MGST1: variants seen among roughly 807,000 people sequenced by gnomAD.
MGST1 encodes the protein microsomal glutathione S-transferase 1.
Under a neutral mutation model 8.9 loss-of-function variants are expected in MGST1, and 5 were observed. The ratio of observed to expected loss-of-function variants is 0.56; its 90% CI spans 0.29 to 1.19. MGST1 has a LOEUF of 1.19. Among genes scored for constraint, MGST1 ranks in the 50% most tolerant of loss-of-function variants. MGST1 has a pLI of 0.08. For missense variants in MGST1, 182 were observed against 187.4 expected (o/e 0.97, Z 0.17); for synonymous variants, 54 against 67.8 (o/e 0.80, Z 1.00).
chr12:16,554,153 T>A (rs1033567900), intron 4 of MGST1, among the ~76,000 whole-genome samples: 16 of 152,190 alleles, frequency 1.1e-4, no homozygotes, highest in Admixed American at 7.9e-4. Flanking sequence ...CATATAGTCT[T>A]AGAGACTTGA....
chr12:16,560,694 C>T lies in MGST1; in HGVS notation n.483-28834C>T. ...TATCCTAGGTGTATGCATAAATATT[C>T]TTCTGCAATATATTCTCCGTTGACC... On this transcript the variant is annotated intron_variant and non_coding_transcript_variant, in intron 4 of 4. Transcript: ENST00000538857. The surrounding 1 kb of genome is among the most constrained non-coding windows in gnomAD (Gnocchi z 5.0). 1.5e-6 allele frequency: 1 copy of T among 663,606 alleles called. No individual in the cohort carries two copies. The allele number at this position is 663,606 out of a possible 1,614,324, so 41.1% of individuals were successfully genotyped here. A position where few individuals can be genotyped will look rare whatever the true frequency, so the allele number is the denominator to read the frequency against.
At chr12:16,577,026 A>G (rs1357518330) in intron 4 of MGST1, among the ~76,000 whole-genome samples, 1 of 152,222 alleles carries the variant, frequency 6.6e-6, no homozygotes, top group Non-Finnish European at 1.5e-5. Flanking sequence ...GAAACTTAGC[A>G]CCAATTCCAT....
At chr12:16,564,872 A>C in intron 4 of MGST1, among the ~76,000 whole-genome samples, 1 of 152,134 alleles carries the variant, frequency 6.6e-6, no homozygotes. Flanking sequence ...TGCAGCCTTG[A>C]CCTCCTAGGC....
downstream of MGST1, among the ~76,000 whole-genome samples, chr12:16,439,250 A>G (rs1223668687): frequency 6.6e-6 from 1 of 151,912 alleles, no homozygotes; most frequent in Admixed American, 6.6e-5. Context: ...AAAAATGTAC[A>G]CTTTTAGAAA....
intron 4 of MGST1, among the ~76,000 whole-genome samples, chr12:16,459,878 T>G (rs1027667731): frequency 2.0e-5 from 3 of 152,184 alleles, no homozygotes; most frequent in African/African-American, 7.2e-5. Flanking sequence ...GCGGTTTTGC[T>G]TAAATGACCT....
chr12:16,403,234 C>CT (rs1028862927), intron 1 of MGST1, among the ~76,000 whole-genome samples: 7 of 151,888 alleles, frequency 4.6e-5, no homozygotes, highest in Non-Finnish European at 7.4e-5. Flanking sequence ...TTTTATTCAA[C>CT]TTTTTTTGAC....
intron 4 of MGST1, among the ~76,000 whole-genome samples, chr12:16,543,805 G>A (rs1941805939): frequency 6.6e-6 from 1 of 152,072 alleles, no homozygotes; most frequent in South Asian, 2.1e-4. Context: ...ATGTAAGGGT[G>A]AATTGAGACT....
At chr12:16,407,174 A>C (rs1940703315) in intron 1 of MGST1, among the ~76,000 whole-genome samples, 2 of 152,216 alleles carry the variant, frequency 1.3e-5, no homozygotes, top group Admixed American at 1.3e-4. Context: ...CATCTGAAAA[A>C]GGTCTAATAT....
chr12:16,418,539 T>A (rs1198788459), intron 1 of MGST1, among the ~76,000 whole-genome samples: 1 of 152,154 alleles, frequency 6.6e-6, no homozygotes, highest in African/African-American at 2.4e-5. Context: ...CCAAACTCAG[T>A]TCCCTCACTC....
At chr12:16,502,116 G>A (rs944146953) in intron 4 of MGST1, among the ~76,000 whole-genome samples, 63 of 152,116 alleles carry the variant, frequency 4.1e-4, no homozygotes, top group Non-Finnish European at 1.5e-4. Flanking sequence ...TGAATTCCAA[G>A]GTACAAAAAT....
intron 4 of MGST1, among the ~76,000 whole-genome samples, chr12:16,450,002 G>A (rs1303066862): frequency 6.6e-6 from 1 of 151,876 alleles, no homozygotes; most frequent in Non-Finnish European, 1.5e-5. Flanking sequence ...TAACAGTAAT[G>A]CAGTCAAGAG....
chr12:16,349,637 T>C (rs1247453337), intron 1 of MGST1, among the ~76,000 whole-genome samples: 1 of 152,152 alleles, frequency 6.6e-6, no homozygotes, highest in Non-Finnish European at 1.5e-5. Flanking sequence ...AGATAAAATA[T>C]GCAAAAGCTT....
intron 4 of MGST1, among the ~76,000 whole-genome samples, chr12:16,527,760 A>G (rs895628762): frequency 3.3e-5 from 5 of 151,934 alleles, no homozygotes; most frequent in African/African-American, 9.7e-5. Flanking sequence ...ATCTTCAGAT[A>G]TTTTTCATCT....
In MGST1 at chr12:16,586,553, G is replaced by A. The variant is rs1361028491; in HGVS notation, n.483-2975G>A. On this transcript the variant is annotated intron_variant and non_coding_transcript_variant, in intron 4 of 4. Coordinates refer to the MGST1 transcript ENST00000538857. This position sits in a 1 kb window ranked among gnomAD's most constrained non-coding sequence, Gnocchi z 4.3. ...TAATATTGTCAGATTCAGGCCAACTGAATTCTGGAGGACATATGCAAAGAC... is the reference window on the plus strand; with the variant it reads ...TAATATTGTCAGATTCAGGCCAACTAAATTCTGGAGGACATATGCAAAGAC... Among the ~76,000 whole-genome samples the A allele has an allele frequency of 6.6e-6, 1 of 152,148 alleles. No homozygotes were observed. The highest frequency in any genetic ancestry group is 1.5e-5 in the Non-Finnish European group (1 of 68,028).
chr12:16,456,257 C>A (rs1941171466), intron 4 of MGST1, among the ~76,000 whole-genome samples: 2 of 151,876 alleles, frequency 1.3e-5, no homozygotes, highest in Non-Finnish European at 2.9e-5. Context: ...AAGTCGATAG[C>A]TAATTCTTGT....
At chr12:16,572,143 A>C (rs1942833075) in intron 4 of MGST1, among the ~76,000 whole-genome samples, 1 of 151,946 alleles carries the variant, frequency 6.6e-6, no homozygotes, top group African/African-American at 2.4e-5. Flanking sequence ...TAATTTGTTA[A>C]AACTTGATGC....
Position 16,436,575 on chromosome 12 carries a change from G to A in MGST1, n.779-813G>A, listed in dbSNP as rs549876574. Among the ~76,000 whole-genome samples, 18 of 151,916 alleles carry A rather than the reference G, an allele frequency of 1.2e-4. 1 individual carries two copies. The South Asian group carries it at 3.7e-3, about 32-fold the overall frequency. On this transcript the variant is annotated intron_variant and non_coding_transcript_variant, in intron 1 of 1. Coordinates refer to the MGST1 transcript ENST00000359720. ...CAGGAAAGAAAAAAAAACAGTAAAA[G>A]GAAGTATTTCAGGAAAAGATGTGAA...
downstream of MGST1, among the ~76,000 whole-genome samples, chr12:16,591,191 C>G (rs971362345): frequency 6.6e-6 from 1 of 152,002 alleles, no homozygotes; most frequent in Non-Finnish European, 1.5e-5. The surrounding 1 kb of genome is among the most constrained non-coding windows in gnomAD (Gnocchi z 4.1). Flanking sequence ...CCCTCCTGCT[C>G]TCCCACACCC....
At chr12:16,512,229 G>A (rs1941581819) in intron 4 of MGST1, among the ~76,000 whole-genome samples, 1 of 151,954 alleles carries the variant, frequency 6.6e-6, no homozygotes, top group Admixed American at 6.6e-5. Flanking sequence ...GAAGGATGTG[G>A]GTATGGATGG....
Sources: gnomAD v4.1 joint callset for allele counts (sites outside exome capture counted in the v4.1 genomes callset) on GRCh38, gnomAD v4.1.1 for gene constraint, Gnocchi (gnomAD v3.1) non-coding constraint, MANE v1.5 for transcripts, NCBI Gene and HGNC (gene_info 2026-07-23, HGNC 2026-07-21) for gene names.